The following LRRTM4 variants were observed in gnomAD, a reference collection of about 807,000 sequenced individuals.
The protein encoded by LRRTM4 is leucine rich repeat transmembrane neuronal 4, also known as leucine-rich repeat transmembrane neuronal protein 4.
In LRRTM4, 25 loss-of-function variants were observed where a neutral mutation model predicts 47.6. The observed-to-expected ratio is 0.53, with a 90% CI of 0.38 to 0.73. The LOEUF (loss-of-function observed/expected upper bound fraction) is 0.73. LRRTM4 is among the 30% of genes least tolerant of loss of function. The pLI, the probability that LRRTM4 is intolerant of heterozygous loss-of-function variation, is 0.00. For synonymous variants in LRRTM4, 311 were observed against 269.5 expected (o/e 1.15, Z -1.51); for missense variants, 638 against 713.4 (o/e 0.89, Z 1.20).
At chr2:76,969,323 GTTCT>G (rs1205049685) in intron 3 of LRRTM4, among the ~76,000 whole-genome samples, 4 of 151,702 alleles carry the variant, frequency 2.6e-5, no homozygotes, top group Non-Finnish European at 5.9e-5. Context: ...TTTATTTTCT[GTTCT>G]TTCTGTTACT....
intron 3 of LRRTM4, among the ~76,000 whole-genome samples, chr2:76,957,045 A>T (rs899127414): frequency 6.6e-6 from 1 of 151,834 alleles, no homozygotes; most frequent in South Asian, 2.1e-4. Context: ...TGGATTAAAA[A>T]ATGTGATATA....
chr2:77,147,212 C>A (rs979888302), intron 3 of LRRTM4, among the ~76,000 whole-genome samples: 1 of 152,110 alleles, frequency 6.6e-6, no homozygotes, highest in African/African-American at 2.4e-5. Flanking sequence ...ATTGCTAATA[C>A]AGTACAACAC....
intron 3 of LRRTM4, among the ~76,000 whole-genome samples, chr2:77,361,988 C>T (rs1672232634): frequency 6.6e-6 from 1 of 151,930 alleles, no homozygotes; most frequent in Admixed American, 6.6e-5. Flanking sequence ...AGTCAGGAGG[C>T]TGAGGCAGGA....
intron 3 of LRRTM4, among the ~76,000 whole-genome samples, chr2:77,159,640 A>G (rs1672656258): frequency 6.6e-6 from 1 of 151,994 alleles, no homozygotes; most frequent in Admixed American, 6.6e-5. Context: ...TACATTGAGT[A>G]GGCTGAGGAG....
chr2:76,789,949 G>GGACAACGGGTTGCTTGTTTGGAT (rs1297744108), intron 3 of LRRTM4, among the ~76,000 whole-genome samples: 1 of 152,138 alleles, frequency 6.6e-6, no homozygotes. Flanking sequence ...GCAGTCCCCA[G>GGACAACGGGTTGCTTGTTTGGAT]GACAACGGGT....
intron 3 of LRRTM4, among the ~76,000 whole-genome samples, chr2:77,016,115 C>A (rs544308272): frequency 6.6e-5 from 10 of 152,050 alleles, no homozygotes; most frequent in Admixed American, 6.6e-4. Flanking sequence ...AATCCGGGAG[C>A]AGTGGCTCAT....
intron 3 of LRRTM4, among the ~76,000 whole-genome samples, chr2:77,412,168 G>A (rs942304014): frequency 6.6e-6 from 1 of 152,140 alleles, no homozygotes; most frequent in African/African-American, 2.4e-5. Flanking sequence ...TCTCCTCAGT[G>A]CCAGGAATAG....
chr2:77,123,185 A>G (rs1572983938), intron 3 of LRRTM4, among the ~76,000 whole-genome samples: 1 of 149,166 alleles, frequency 6.7e-6, no homozygotes, highest in African/African-American at 2.5e-5. Flanking sequence ...GCCAAAAAAA[A>G]GTTCCTTTGT....
At chr2:76,965,163 C>T (rs932347267) in intron 3 of LRRTM4, among the ~76,000 whole-genome samples, 2 of 151,064 alleles carry the variant, frequency 1.3e-5, no homozygotes, top group African/African-American at 2.4e-5. Context: ...TCAGAAAATA[C>T]ACACAGAGGA....
At chr2:76,804,801 A>T (rs1675887643) in intron 3 of LRRTM4, among the ~76,000 whole-genome samples, 1 of 150,506 alleles carries the variant, frequency 6.6e-6, no homozygotes, top group South Asian at 2.1e-4. Flanking sequence ...TCATTGTTTT[A>T]TAACAAATTA....
At chr2:76,879,266 A>G (rs73940081) in intron 3 of LRRTM4, among the ~76,000 whole-genome samples, 2,162 of 152,300 alleles carry the variant, frequency 0.014, 53 homozygotes, top group African/African-American at 0.05. Context: ...GGAGAAGTCA[A>G]TGCCTGGCTT....
chr2:77,235,604 A>C (rs927041336), intron 3 of LRRTM4, among the ~76,000 whole-genome samples: 29 of 152,134 alleles, frequency 1.9e-4, no homozygotes. Context: ...TGGTGTCCAG[A>C]ATAATGTTTC....
intron 3 of LRRTM4, among the ~76,000 whole-genome samples, chr2:76,947,101 A>G (rs2103876790): frequency 6.6e-6 from 1 of 151,964 alleles, no homozygotes. Context: ...TTTGAATGGG[A>G]AAAAAATGGA....
rs188433581 is a variant in LRRTM4 at position 77,414,683 on chromosome 2, T to C, written c.1551+103635A>G. On this transcript the variant is annotated intron_variant, in intron 3 of 3. Coordinates refer to ENST00000409884, the MANE Select transcript of LRRTM4 (RefSeq NM_001134745.3). ...CCAACCACACTTTCTTTGGAAACAA[T>C]GCTTACTGGGGAGCACCAAAAGTGA... Among the ~76,000 whole-genome samples the C allele has an allele frequency of 9.2e-5, 14 of 152,362 alleles. No homozygotes were observed. The East Asian group carries it at 1.3e-3, about 15-fold the overall frequency.
intron 3 of LRRTM4, among the ~76,000 whole-genome samples, chr2:76,852,644 A>T (rs574251714): frequency 6.6e-6 from 1 of 152,174 alleles, no homozygotes; most frequent in East Asian, 1.9e-4. Flanking sequence ...ATTATTTATT[A>T]ATCTGTTCAT....
At chr2:77,013,449 G>T (rs1310694464) in intron 3 of LRRTM4, among the ~76,000 whole-genome samples, 1 of 151,924 alleles carries the variant, frequency 6.6e-6, no homozygotes, top group Non-Finnish European at 1.5e-5. Context: ...GCATTGGATG[G>T]AAAACTGGTA....
At chr2:77,001,462 G>T (rs1334932519) in intron 3 of LRRTM4, among the ~76,000 whole-genome samples, 1 of 152,120 alleles carries the variant, frequency 6.6e-6, no homozygotes, top group African/African-American at 2.4e-5. Context: ...GCAAGTATGT[G>T]CATGTGCTAG....
rs922433874 is a variant in LRRTM4, at chr2:76,968,360, A to G, written c.1552-219444T>C. Among the ~76,000 whole-genome samples the G allele has an allele frequency of 3.3e-4, 40 of 120,534 alleles. 1 individual carries two copies. Among genetic ancestry groups the G allele is most frequent in the Admixed American group, 1.3e-3 (16 of 12,284 alleles). The allele number at this position is 120,534 out of a possible 152,430, so 79.1% of individuals were successfully genotyped here. Reference sequence around the variant, plus strand: ...TGTGTGTATATATATATATATATATATATATATATATATATATATATATAC... The same window carrying G: ...TGTGTGTATATATATATATATATATGTATATATATATATATATATATATAC... On this transcript the variant is annotated intron_variant, in intron 3 of 3. Transcript: ENST00000409884.
At chr2:77,241,947 A>T (rs1228411781) in intron 3 of LRRTM4, among the ~76,000 whole-genome samples, 1 of 152,072 alleles carries the variant, frequency 6.6e-6, no homozygotes, top group African/African-American at 2.4e-5. Flanking sequence ...AATTGACCCT[A>T]TGTGAAAGGG....
Sources: allele counts gnomAD v4.1 joint callset (sites outside exome capture counted in the v4.1 genomes callset), GRCh38; gene constraint gnomAD v4.1.1; transcripts MANE v1.5; gene names NCBI Gene and HGNC (gene_info 2026-07-23, HGNC 2026-07-21).